TRPA1: variants seen among roughly 807,000 people sequenced by gnomAD.
The protein encoded by TRPA1 is ankyrin-like with transmembrane domains 1.
A neutral mutation model predicts 131.3 loss-of-function variants in TRPA1; 129 were observed. That is an observed-to-expected ratio of 0.98 (90% CI 0.85 to 1.14). The LOEUF is 1.14. Ranked by LOEUF, TRPA1 falls within the 50% of genes most tolerant of loss-of-function variation. TRPA1 has a pLI of 0.00. For missense variants in TRPA1, 1,304 were observed against 1,354.2 expected, an observed-to-expected ratio of 0.96 and a Z score of 0.58; for synonymous variants, 441 against 451.7, an observed-to-expected ratio of 0.98 and a Z score of 0.30.
In TRPA1 at chr8:72,059,441, G is replaced by GA; in HGVS notation, c.945-4dup. On this transcript the variant is annotated splice_polypyrimidine_tract_variant and splice_region_variant and intron_variant, in intron 7 of 26. Transcript: ENST00000262209. ...CATGGTGATCAAACAATGAAGCTCTGAAAAAACAGAATTATAAACATTATA... is the reference window on the plus strand; with the variant it reads ...CATGGTGATCAAACAATGAAGCTCTGAAAAAAACAGAATTATAAACATTATA... 6.4e-7 allele frequency: 1 copy of GA among 1,558,348 alleles called. No individual in the cohort carries two copies. Among genetic ancestry groups the GA allele is most frequent in the Non-Finnish European group, 8.8e-7 (1 of 1,137,092 alleles).
chr8:72,085,170 T>C, the TRPA1 span, among the ~76,000 whole-genome samples: 1 of 152,240 alleles, frequency 6.6e-6, no homozygotes, highest in East Asian at 1.9e-4. Context: ...AGTTATCTTA[T>C]ATTGCCTACA....
upstream of TRPA1, among the ~76,000 whole-genome samples, chr8:72,078,520 G>A (rs1313274114): frequency 6.6e-6 from 1 of 152,020 alleles, no homozygotes; most frequent in Non-Finnish European, 1.5e-5. Context: ...GTAATATTTA[G>A]TATCTGGCTT....
Position 72,022,421 on chromosome 8 carries a change from A to T in TRPA1, c.*485T>A. The T allele has an allele frequency of 3.7e-6, 1 of 268,458 alleles. No individual in the cohort carries two copies. The highest frequency in any genetic ancestry group is 7.2e-6 in the Non-Finnish European group (1 of 139,418). 16.6% of individuals were successfully genotyped at this position (268,458 alleles called of 1,614,324 possible). A position where few individuals can be genotyped will look rare whatever the true frequency, so the allele number is the denominator to read the frequency against. ...CATGGTGCCACCCATAGGTTCTTTC[A>T]ACATGAAGCTTTCCAGGAAGCAGCT... On this transcript the variant is annotated 3_prime_UTR_variant, in exon 27 of 27. Coordinates refer to ENST00000262209, the MANE Select transcript of TRPA1 (RefSeq NM_007332.3).
intron 14 of TRPA1, 43 bp from the exon 15 acceptor site, chr8:72,050,914 T>C: frequency 1.5e-6 from 2 of 1,341,522 alleles, no homozygotes; most frequent in Non-Finnish European, 2.1e-6. Context: ...GTCTTCATCC[T>C]TCTGTTCTGT....
chr8:72,027,351 G>T (rs1208691437), intron 24 of TRPA1, among the ~76,000 whole-genome samples: 1 of 152,124 alleles, frequency 6.6e-6, no homozygotes, highest in Non-Finnish European at 1.5e-5. Context: ...ACTGAGCCTG[G>T]CACCACTGGG....
At chr8:72,076,746 G>T (rs946408350), upstream of TRPA1, 8 of 152,188 alleles carry the variant, frequency 5.3e-5, no homozygotes, top group African/African-American at 1.9e-4. Flanking sequence ...GGATATGGCA[G>T]GTTGCCATCA....
chr8:72,069,264 C>T (rs10091093), intron 2 of TRPA1, 66 bp from the exon 3 acceptor site: 413,872 of 1,502,344 alleles, frequency 0.28, 59,259 homozygotes, highest in African/African-American at 0.38. Context: ...TCCTGAGTGC[C>T]TATACACTAT....
intron 25 of TRPA1, 65 bp downstream of exon 25, chr8:72,025,895 A>T: frequency 7.2e-7 from 1 of 1,397,692 alleles, no homozygotes; most frequent in Non-Finnish European, 1.0e-6. Flanking sequence ...CCTTAGGGTT[A>T]ACACAATGAA....
At chr8:72,051,852 G>C (rs574298695) in intron 14 of TRPA1, among the ~76,000 whole-genome samples, 40 of 152,342 alleles carry the variant, frequency 2.6e-4, no homozygotes, top group Non-Finnish European at 4.9e-4. Context: ...AGTCTCACAA[G>C]AGTGATGTGA....
intron 23 of TRPA1, 37 bp downstream of exon 23, chr8:72,033,607 G>T (rs747980801): frequency 1.3e-6 from 2 of 1,556,764 alleles, no homozygotes; most frequent in Admixed American, 3.4e-5. Context: ...TGTTTCAAAT[G>T]ATCAACAAAC....
Position 72,023,809 on chromosome 8 carries a change from C to T in TRPA1, c.3149+5G>A. On this transcript the variant is annotated splice_donor_5th_base_variant and intron_variant, in intron 26 of 26. Coordinates refer to ENST00000262209, the MANE Select transcript of TRPA1 (RefSeq NM_007332.3). Reference sequence around the variant, plus strand: ...TCAAGTACAGATAGAAGGAAAAATACATACCGGTATTTCTGCTTTAATATT... The same window carrying T: ...TCAAGTACAGATAGAAGGAAAAATATATACCGGTATTTCTGCTTTAATATT... The T allele has an allele frequency of 1.3e-6, 2 of 1,484,788 alleles. No homozygotes were observed. The highest frequency in any genetic ancestry group is 1.9e-6 in the Non-Finnish European group (2 of 1,063,220). 92.0% of individuals were successfully genotyped at this position (1,484,788 alleles called of 1,614,324 possible). A position where few individuals can be genotyped will look rare whatever the true frequency, so the allele number is the denominator to read the frequency against.
intron 13 of TRPA1, 124 bp from the exon 14 acceptor site, chr8:72,052,889 T>A: frequency 8.2e-6 from 9 of 1,098,758 alleles, no homozygotes; most frequent in Non-Finnish European, 1.2e-5. Context: ...CACTTAAAAC[T>A]GGTGTTCAGA....
Position 72,038,013 on chromosome 8 carries a change from A to C in TRPA1, c.2355T>G (p.Tyr785Ter). 1 of 1,602,556 alleles carries C rather than the reference A, an allele frequency of 6.2e-7. No homozygotes were observed. The change falls in exon 20 of 27, where the codon TAT (tyrosine) becomes TAG (stop). Residue 785 changes from tyrosine to a stop codon, truncating the protein, a stop_gained. Transcript: ENST00000262209. LOFTEE classifies it high-confidence loss of function. Reference protein sequence around the residue: ...ILVFLSSIFGYCKEAGQIFQQ... With the variant: ...ILVFLSSIFG Reference sequence around the variant, plus strand: ...GGAAAATTTGCCCCGCTTCTTTGCAATACCCAAATATACTTGATAAAAACA... The same window carrying C: ...GGAAAATTTGCCCCGCTTCTTTGCACTACCCAAATATACTTGATAAAAACA...
At chr8:72,051,956 T>C (rs1805519324) in intron 14 of TRPA1, among the ~76,000 whole-genome samples, 1 of 152,200 alleles carries the variant, frequency 6.6e-6, no homozygotes, top group Non-Finnish European at 1.5e-5. Flanking sequence ...TCCAAAAGAA[T>C]TCATTTATAA....
At position 72,047,150 on chromosome 8, in the gene TRPA1, A is replaced by T; in HGVS notation, c.1963T>A (p.Tyr655Asn). The T allele has an allele frequency of 3.1e-6, 5 of 1,603,700 alleles. No individual in the cohort carries two copies. Among genetic ancestry groups the T allele is most frequent in the Non-Finnish European group, 4.3e-6 (5 of 1,172,026 alleles). The change falls in exon 16 of 27, where the codon TAT (tyrosine) becomes AAT (asparagine). Residue 655 changes from tyrosine to asparagine, a missense_variant and splice_region_variant. Physicochemically the swap from Tyr to Asn is moderately radical, Grantham distance 143. Transcript: ENST00000262209. ...STEDKSCRDY[Y>N]IEYNFKYLQC... is the part of the protein sequence containing the mutation. ...TAATGATGATAAAATAAACTTACATAATAGTCTCGGCAGGACTTGTCTTCT... is the reference window on the plus strand; with the variant it reads ...TAATGATGATAAAATAAACTTACATTATAGTCTCGGCAGGACTTGTCTTCT...
the TRPA1 span, among the ~76,000 whole-genome samples, chr8:72,083,713 A>C: frequency 6.6e-6 from 1 of 152,200 alleles, no homozygotes; most frequent in Non-Finnish European, 1.5e-5. Flanking sequence ...ACTGCACTCC[A>C]GCAGGGGTGA....
intron 17 of TRPA1, among the ~76,000 whole-genome samples, chr8:72,045,442 C>T (rs913955774): frequency 3.3e-5 from 5 of 151,402 alleles, no homozygotes; most frequent in Admixed American, 1.3e-4. Context: ...ATGAGAGCTG[C>T]AAGCCAAATG....
chr8:72,053,027 G>GAGAGAGAA (rs1295864466), intron 13 of TRPA1: 11 of 367,910 alleles, frequency 3.0e-5, no homozygotes, highest in South Asian at 2.9e-4. Flanking sequence ...GAGAGAGAGA[G>GAGAGAGAA]AGAGAGAGAG....
intron 14 of TRPA1, among the ~76,000 whole-genome samples, chr8:72,051,357 C>T (rs1805502959): frequency 6.6e-6 from 1 of 152,118 alleles, no homozygotes; most frequent in Non-Finnish European, 1.5e-5. Context: ...ATAGCCTCTG[C>T]CAGAACATTC....
Sources: gnomAD v4.1 joint callset for allele counts (sites outside exome capture counted in the v4.1 genomes callset) on GRCh38, gnomAD v4.1.1 for gene constraint, MANE v1.5 for transcripts, NCBI Gene and HGNC (gene_info 2026-07-23, HGNC 2026-07-21) for gene names.